TSHB: variants seen among roughly 807,000 people sequenced by gnomAD.
The protein encoded by TSHB is thyrotropin subunit beta.
In TSHB, 9 loss-of-function variants were observed where a neutral mutation model predicts 9.3. The ratio of observed to expected loss-of-function variants is 0.97; its 90% CI spans 0.58 to 1.69. TSHB has a LOEUF of 1.69. Among genes scored for constraint, TSHB ranks in the 40% most tolerant of loss-of-function variants. The pLI is 0.00. For missense variants in TSHB, 182 were observed against 168.5 expected, an observed-to-expected ratio of 1.08 and a Z score of -0.44; for synonymous variants, 57 against 57.2, an observed-to-expected ratio of 1.00 and a Z score of 0.01.
At chr1:115,030,005 C>T (rs1259425656) in intron 1 of TSHB, 145 bp downstream of exon 1, 1 of 152,404 alleles carries the variant, frequency 6.6e-6, no homozygotes, top group Non-Finnish European at 1.5e-5. Context: ...TAAATTACTG[C>T]TCCAAATTGT....
Position 115,031,055 on chromosome 1 carries a change from T to C in TSHB, c.-2+1195T>C, listed in dbSNP as rs147360979. On this transcript the variant is annotated intron_variant, in intron 1 of 2. Coordinates refer to ENST00000256592, the MANE Select transcript of TSHB (RefSeq NM_000549.5). ...ATTTATCATATAGAATTACAGACTA[T>C]TTGTGCTGCGAAGATTTTCATGATC... 3.9e-5 allele frequency among the ~76,000 whole-genome samples: 6 copies of C among 152,106 alleles called. No homozygotes were observed. The East Asian group carries it at 9.7e-4, about 24-fold the overall frequency.
At chr1:115,031,069 A>G (rs907547173) in intron 1 of TSHB, among the ~76,000 whole-genome samples, 2 of 151,972 alleles carry the variant, frequency 1.3e-5, no homozygotes, top group African/African-American at 4.8e-5. Flanking sequence ...TGCTGCGAAG[A>G]TTTTCATGAT....
intron 1 of TSHB, among the ~76,000 whole-genome samples, chr1:115,031,749 C>A (rs1171109916): frequency 6.6e-6 from 1 of 151,960 alleles, no homozygotes; most frequent in Non-Finnish European, 1.5e-5. Flanking sequence ...AGAGGGAGCT[C>A]ACATTTGAGA....
At chr1:115,031,172 G>A (rs1480973288) in intron 1 of TSHB, among the ~76,000 whole-genome samples, 1 of 152,016 alleles carries the variant, frequency 6.6e-6, no homozygotes, top group African/African-American at 2.4e-5. Context: ...CAATAAAGAA[G>A]TAAAGGAAAA....
intron 1 of TSHB, among the ~76,000 whole-genome samples, chr1:115,032,762 A>C (rs1852992): frequency 0.5 from 75,456 of 151,616 alleles, 19,025 homozygotes; most frequent in African/African-American, 0.55. Flanking sequence ...TATTGATATG[A>C]TATATCCAAT....
At chr1:115,030,268 T>C (rs1418397154) in intron 1 of TSHB, among the ~76,000 whole-genome samples, 1 of 152,108 alleles carries the variant, frequency 6.6e-6, no homozygotes, top group East Asian at 1.9e-4. Context: ...AATTCATTTT[T>C]GAGTACCTGC....
chr1:115,031,581 A>G (rs1015165527), intron 1 of TSHB, among the ~76,000 whole-genome samples: 4 of 152,084 alleles, frequency 2.6e-5, no homozygotes, highest in Admixed American at 6.6e-5. Flanking sequence ...GTTGTTTCCT[A>G]TAGAAAAAAC....
chr1:115,030,891 T>A (rs1674881216), intron 1 of TSHB, among the ~76,000 whole-genome samples: 1 of 152,008 alleles, frequency 6.6e-6, no homozygotes, highest in Admixed American at 6.6e-5. Flanking sequence ...GTTTTATTCT[T>A]TTTATGATTT....
chr1:115,031,920 G>A (rs887904967), intron 1 of TSHB, among the ~76,000 whole-genome samples: 1 of 151,990 alleles, frequency 6.6e-6, no homozygotes, highest in Non-Finnish European at 1.5e-5. Context: ...TAAAAGTTAA[G>A]TCTTCCTAAA....
rs148721511 is a variant in TSHB, at chr1:115,034,183, T to G, written c.373T>G (p.Cys125Gly). 2 of 1,612,638 alleles carry G rather than the reference T, an allele frequency of 1.2e-6. No individual in the cohort carries two copies. Among genetic ancestry groups the G allele is most frequent in the African/African-American group, 2.7e-5 (2 of 74,914 alleles). ...ACATGAAGCCATCAAGACAAACTACTGTACCAAACCTCAGAAGTCTTATCT... is the reference window on the plus strand; with the variant it reads ...ACATGAAGCCATCAAGACAAACTACGGTACCAAACCTCAGAAGTCTTATCT... Reference protein sequence around the residue: ...CIHEAIKTNYCTKPQKSYLVG... With the variant: ...CIHEAIKTNYGTKPQKSYLVG... Residue 125 changes from cysteine (C) to glycine (G), a missense_variant, in exon 3 of 3, where the codon TGT becomes GGT. Physicochemically the swap from Cys to Gly is radical, Grantham distance 159. Transcript: ENST00000256592.
In TSHB at chr1:115,033,356, A is replaced by G; in HGVS notation, c.-1-6A>G. The G allele has an allele frequency of 6.2e-7, 1 of 1,612,960 alleles. No individual in the cohort carries two copies. The highest frequency in any genetic ancestry group is 8.5e-7 in the Non-Finnish European group (1 of 1,179,278). The stretch of plus-strand genomic sequence containing the variant: ...AATAGGTTCTTTAATTTTATCTTTG[A>G]TTTAGCATGACTGCTCTCTTTCTGA... On this transcript the variant is annotated splice_region_variant and splice_polypyrimidine_tract_variant and intron_variant, in intron 1 of 2. Coordinates refer to ENST00000256592, the MANE Select transcript of TSHB (RefSeq NM_000549.5).
intron 1 of TSHB, among the ~76,000 whole-genome samples, chr1:115,031,831 A>G (rs1272434861): frequency 6.6e-6 from 1 of 152,060 alleles, no homozygotes; most frequent in Non-Finnish European, 1.5e-5. Context: ...AATACCAAAC[A>G]AACCTTCCGT....
chr1:115,030,862 C>G (rs1263214488), intron 1 of TSHB, among the ~76,000 whole-genome samples: 1 of 151,974 alleles, frequency 6.6e-6, no homozygotes, highest in African/African-American at 2.4e-5. Flanking sequence ...TATAGAGAGC[C>G]AAGTGTTTCA....
chr1:115,032,757 A>G (rs1190121697), intron 1 of TSHB, among the ~76,000 whole-genome samples: 2 of 152,136 alleles, frequency 1.3e-5, no homozygotes, highest in African/African-American at 4.8e-5. Flanking sequence ...TATCATATTG[A>G]TATGATATAT....
At chr1:115,031,318 C>T (rs909957124) in intron 1 of TSHB, among the ~76,000 whole-genome samples, 3 of 151,882 alleles carry the variant, frequency 2.0e-5, no homozygotes, top group African/African-American at 4.8e-5. Flanking sequence ...ATAGAGTATC[C>T]ATAGTTAGTA....
At position 115,033,219 on chromosome 1, in the gene TSHB, G is replaced by A. The variant is rs539916727; in HGVS notation, c.-1-143G>A. ...GACCTTTTTTGGACTTTATCTTTCT[G>A]GTGTCTTCCTTGACCAAATGGTAGA... On this transcript the variant is annotated intron_variant, in intron 1 of 2. Transcript: ENST00000256592. 3.6e-5 allele frequency: 27 copies of A among 759,078 alleles called. No homozygotes were observed. The South Asian group carries it at 3.7e-4, about 10-fold the overall frequency. 47.0% of individuals were successfully genotyped at this position (759,078 alleles called of 1,614,324 possible).
Position 115,033,381 on chromosome 1 carries a change from AT to A in TSHB, c.20del (p.Met7SerfsTer34). 1 of 1,613,314 alleles carries A rather than the reference AT, an allele frequency of 6.2e-7. No homozygotes were observed. The highest frequency in any genetic ancestry group is 8.5e-7 in the Non-Finnish European group (1 of 1,179,434). ...ATTTAGCATGACTGCTCTCTTTCTGATGTCCATGCTTTTTGGCCTTACATGT... is the reference window on the plus strand; with the variant it reads ...ATTTAGCATGACTGCTCTCTTTCTGAGTCCATGCTTTTTGGCCTTACATGT... MTALFL[M>X]SMLFGLTCGQ... On this transcript the variant is annotated frameshift_variant, in exon 2 of 3. Coordinates refer to ENST00000256592, the MANE Select transcript of TSHB (RefSeq NM_000549.5). LOFTEE classifies it high-confidence loss of function.
intron 1 of TSHB, among the ~76,000 whole-genome samples, chr1:115,032,571 A>G (rs183626821): frequency 7.2e-5 from 11 of 152,172 alleles, no homozygotes; most frequent in South Asian, 6.2e-4. Flanking sequence ...ATCCAAACAC[A>G]TCTAGCTAGC....
intron 1 of TSHB, among the ~76,000 whole-genome samples, chr1:115,032,179 T>G (rs1322619168): frequency 1.3e-5 from 2 of 152,040 alleles, no homozygotes. Flanking sequence ...TTATCTACAA[T>G]TCTCATTCTA....
Sources: allele counts gnomAD v4.1 joint callset (sites outside exome capture counted in the v4.1 genomes callset), GRCh38; gene constraint gnomAD v4.1.1; transcripts MANE v1.5; gene names NCBI Gene and HGNC (gene_info 2026-07-23, HGNC 2026-07-21).